CYRIB: variants seen among roughly 807,000 people sequenced by gnomAD.
CYRIB encodes CYFIP related Rac1 interactor B.
Under a neutral mutation model 44.2 loss-of-function variants are expected in CYRIB, and 8 were observed. The observed-to-expected ratio is 0.18, with a 90% CI of 0.11 to 0.33. The LOEUF is 0.33. Ranked by LOEUF, CYRIB falls within the 10% of genes least tolerant of loss-of-function variation. The pLI is 1.00. For missense variants in CYRIB, 185 were observed against 382.8 expected (o/e 0.48, Z 4.31); for synonymous variants, 131 against 127.2 (o/e 1.03, Z -0.20).
intron 3 of CYRIB, 131 bp from the exon 6 acceptor site, chr8:129,871,627 T>C: frequency 1.1e-6 from 1 of 907,494 alleles, no homozygotes; most frequent in Non-Finnish European, 1.7e-6. Flanking sequence ...CTTTGAACTT[T>C]TAAAGAAAAG....
At chr8:129,873,526 C>T (rs1433771782) in intron 3 of CYRIB, among the ~76,000 whole-genome samples, 1 of 151,934 alleles carries the variant, frequency 6.6e-6, no homozygotes, top group Non-Finnish European at 1.5e-5. Flanking sequence ...CAGTCTTACA[C>T]TTTTTCATAT....
intron 1 of CYRIB, among the ~76,000 whole-genome samples, chr8:129,977,693 G>A (rs555951148): frequency 6.2e-4 from 94 of 152,044 alleles, no homozygotes; most frequent in Non-Finnish European, 1.2e-3. Flanking sequence ...CACCACGCCC[G>A]GCTAATTTTT....
At chr8:129,880,937 A>C (rs2060596738) in intron 2 of CYRIB, among the ~76,000 whole-genome samples, 1 of 152,226 alleles carries the variant, frequency 6.6e-6, no homozygotes, top group South Asian at 2.1e-4. Context: ...GAAAGTTATC[A>C]ATTAATGACC....
intron 1 of CYRIB, among the ~76,000 whole-genome samples, chr8:129,993,907 A>C (rs972480950): frequency 2.0e-5 from 3 of 150,070 alleles, no homozygotes; most frequent in African/African-American, 7.4e-5. Flanking sequence ...ACCTCTGCCT[A>C]CCTCCCTCAA....
At chr8:129,967,471 C>T (rs2095528516) in intron 2 of CYRIB, among the ~76,000 whole-genome samples, 1 of 151,946 alleles carries the variant, frequency 6.6e-6, no homozygotes, top group African/African-American at 2.4e-5. Flanking sequence ...ACTCCACCTC[C>T]CAGGTTCACG....
chr8:129,889,378 C>T (rs148285763), intron 2 of CYRIB, among the ~76,000 whole-genome samples: 49 of 152,332 alleles, frequency 3.2e-4, no homozygotes, highest in Admixed American at 1.5e-3. Flanking sequence ...CACTCTGCAG[C>T]TCATGGATCA....
chr8:129,879,360 G>C, intron 3 of CYRIB, 29 bp downstream of exon 5: 1 of 1,499,638 alleles, frequency 6.7e-7, no homozygotes, highest in East Asian at 2.3e-5. Context: ...TGCAGGCAAA[G>C]AGAAATAGAT....
At chr8:129,948,757 T>C (rs1209640154) in intron 2 of CYRIB, 1 of 152,356 alleles carries the variant, frequency 6.6e-6, no homozygotes, top group Non-Finnish European at 1.5e-5. Flanking sequence ...AATTAAATCT[T>C]TGCCTACAGA....
chr8:129,882,563 G>A (rs1031868222), intron 2 of CYRIB, among the ~76,000 whole-genome samples: 3 of 152,120 alleles, frequency 2.0e-5, no homozygotes, highest in Non-Finnish European at 2.9e-5. Context: ...CAAGAATATT[G>A]CTGAAATGTC....
At chr8:129,975,263 G>A (rs1472632826) in intron 1 of CYRIB, among the ~76,000 whole-genome samples, 5 of 150,792 alleles carry the variant, frequency 3.3e-5, no homozygotes, top group African/African-American at 7.3e-5. Flanking sequence ...CGATCCTCCC[G>A]CCTCGGCCTC....
chr8:129,976,154 CTTGT>C lies in CYRIB; in HGVS notation c.-295-5163_-295-5160del, dbSNP rs776826666. Among the ~76,000 whole-genome samples, 360 of 152,064 alleles carry C rather than the reference CTTGT, an allele frequency of 2.4e-3. 1 individual carries two copies. The highest frequency in any genetic ancestry group is 3.5e-3 in the South Asian group (17 of 4,824). ...TGGATTCATCTTGTTATTTTATTGG[CTTGT>C]TTATCACTTGTTTTTTTTTCTTTAC... On this transcript the variant is annotated intron_variant, in intron 1 of 14. Coordinates refer to the CYRIB transcript ENST00000401979.
At chr8:129,919,108 T>C (rs2082226189) in intron 1 of CYRIB, among the ~76,000 whole-genome samples, 1 of 152,192 alleles carries the variant, frequency 6.6e-6, no homozygotes, top group Non-Finnish European at 1.5e-5. Context: ...CCTCCAGTGA[T>C]TGGCCTCGGC....
intron 2 of CYRIB, among the ~76,000 whole-genome samples, chr8:129,895,731 T>C (rs1345809879): frequency 6.6e-6 from 1 of 152,154 alleles, no homozygotes; most frequent in Non-Finnish European, 1.5e-5. Context: ...AATAAATGAA[T>C]GAGGGTGAAT....
intron 2 of CYRIB, among the ~76,000 whole-genome samples, chr8:129,946,827 G>T (rs1187507180): frequency 3.9e-5 from 6 of 152,120 alleles, no homozygotes. Flanking sequence ...AGAAAAAAGG[G>T]TGCCACTGCA....
chr8:129,935,100 T>C (rs911328334), intron 1 of CYRIB, among the ~76,000 whole-genome samples: 4 of 152,160 alleles, frequency 2.6e-5, no homozygotes, highest in African/African-American at 4.8e-5. Context: ...CCACGAGAAA[T>C]AGAGTGATCC....
intron 1 of CYRIB, among the ~76,000 whole-genome samples, chr8:130,011,790 A>T (rs1028219400): frequency 2.0e-5 from 3 of 151,958 alleles, no homozygotes; most frequent in African/African-American, 7.3e-5. Flanking sequence ...CCGAGATCGC[A>T]CCACTGCACT....
At chr8:129,973,611 T>C (rs2095804135) in intron 1 of CYRIB, among the ~76,000 whole-genome samples, 1 of 152,212 alleles carries the variant, frequency 6.6e-6, no homozygotes, top group Non-Finnish European at 1.5e-5. Context: ...TGCTCCTTCC[T>C]CTTTCGTCTC....
chr8:129,916,838 C>T (rs547693309), intron 1 of CYRIB, among the ~76,000 whole-genome samples: 45 of 152,248 alleles, frequency 3.0e-4, no homozygotes, highest in African/African-American at 9.6e-4. Context: ...TATTTTACAA[C>T]GAAGGGAAAC....
intron 2 of CYRIB, among the ~76,000 whole-genome samples, chr8:129,882,331 AAT>A (rs1280275057): frequency 3.9e-5 from 6 of 152,204 alleles, no homozygotes; most frequent in Non-Finnish European, 5.9e-5. Flanking sequence ...AATTATAGTA[AAT>A]ATCTTAAATT....
Sources: gnomAD v4.1 joint callset for allele counts (sites outside exome capture counted in the v4.1 genomes callset) on GRCh38, gnomAD v4.1.1 for gene constraint, MANE v1.5 for transcripts, NCBI Gene and HGNC (gene_info 2026-07-23, HGNC 2026-07-21) for gene names.